ZNF385D: variants seen among roughly 807,000 people sequenced by gnomAD.
ZNF385D encodes zinc finger protein 659.
Under a neutral mutation model 35.8 loss-of-function variants are expected in ZNF385D, and 15 were observed. That is an observed-to-expected ratio of 0.42 (90% CI 0.28 to 0.64). The LOEUF (loss-of-function observed/expected upper bound fraction) is 0.64, where lower values mean the gene tolerates loss of function less well. Ranked by LOEUF, ZNF385D falls within the 30% of genes least tolerant of loss-of-function variation. ZNF385D has a pLI of 0.23. For synonymous variants in ZNF385D, 212 were observed against 186.8 expected, an observed-to-expected ratio of 1.13 and a Z score of -1.10; for missense variants, 474 against 494.6, an observed-to-expected ratio of 0.96 and a Z score of 0.39.
chr3:21,814,059 A>G (rs2073047224), intron 3 of ZNF385D, among the ~76,000 whole-genome samples: 1 of 152,048 alleles, frequency 6.6e-6, no homozygotes, highest in Non-Finnish European at 1.5e-5. Context: ...AACATTCTTA[A>G]AAAGAATTTT....
chr3:21,961,832 G>C (rs1401675949), intron 3 of ZNF385D, among the ~76,000 whole-genome samples: 4 of 152,076 alleles, frequency 2.6e-5, no homozygotes, highest in Non-Finnish European at 1.5e-5. Flanking sequence ...GAGCAACTCT[G>C]AAAGAAGGAA....
At chr3:21,766,482 G>C (rs1489070305) in intron 3 of ZNF385D, among the ~76,000 whole-genome samples, 1 of 152,064 alleles carries the variant, frequency 6.6e-6, no homozygotes, top group African/African-American at 2.4e-5. Flanking sequence ...TGTGTTTGAG[G>C]AAAGAGTACG....
intron 4 of ZNF385D, among the ~76,000 whole-genome samples, chr3:21,483,912 A>C (rs1385785054): frequency 6.6e-6 from 1 of 152,068 alleles, no homozygotes; most frequent in East Asian, 1.9e-4. Context: ...ATGAAATCCA[A>C]TTTATCTTTT....
chr3:21,597,296 T>C (rs1225309743), intron 2 of ZNF385D, among the ~76,000 whole-genome samples: 5 of 152,120 alleles, frequency 3.3e-5, no homozygotes, highest in African/African-American at 1.2e-4. Flanking sequence ...CACATTGGTA[T>C]TTATTAAATA....
At chr3:21,803,962 C>A (rs1345560035) in intron 3 of ZNF385D, among the ~76,000 whole-genome samples, 1 of 152,132 alleles carries the variant, frequency 6.6e-6, no homozygotes, top group East Asian at 1.9e-4. Context: ...TTAATAGGAA[C>A]ATTGTAAAAT....
chr3:21,949,891 CT>C (rs1265945694), intron 3 of ZNF385D, among the ~76,000 whole-genome samples: 1 of 152,154 alleles, frequency 6.6e-6, no homozygotes, highest in African/African-American at 2.4e-5. Context: ...TGAACTCATC[CT>C]TTTTTATGGC....
intron 2 of ZNF385D, among the ~76,000 whole-genome samples, chr3:22,200,473 C>A (rs748663176): frequency 6.6e-6 from 1 of 151,966 alleles, no homozygotes; most frequent in Admixed American, 6.6e-5. Context: ...AAGTACTTCA[C>A]AAGGTAATAG....
rs60312460 is a variant in ZNF385D, at chr3:22,257,763, T to C, written c.107-88728A>G. ...CAAATTCAAATGCAAATAAGTAGGG[T>C]AAAACTGTTGTTACAGTGGCTTTGA... On this transcript the variant is annotated intron_variant, in intron 2 of 5. Coordinates refer to the ZNF385D transcript ENST00000494108. Among the ~76,000 whole-genome samples the C allele has an allele frequency of 2.6e-3, 391 of 151,956 alleles. 6 individuals carry two copies. Among genetic ancestry groups the C allele is most frequent in the African/African-American group, 8.6e-3 (359 of 41,532 alleles).
intron 2 of ZNF385D, among the ~76,000 whole-genome samples, chr3:22,347,983 GA>G (rs1465472336): frequency 6.6e-6 from 1 of 152,052 alleles, no homozygotes; most frequent in Non-Finnish European, 1.5e-5. Flanking sequence ...AATTCCTGAA[GA>G]AATTATAGTA....
At position 21,539,639 on chromosome 3, in the gene ZNF385D, AAG is replaced by A. The variant is rs2125557383; in HGVS notation, c.276+24933_276+24934del. Among the ~76,000 whole-genome samples the A allele has an allele frequency of 1.3e-5, 2 of 152,244 alleles. No homozygotes were observed. Among genetic ancestry groups the A allele is most frequent in the South Asian group, 2.1e-4 (1 of 4,826 alleles). On this transcript the variant is annotated intron_variant, in intron 3 of 7. Transcript: ENST00000281523. The surrounding 1 kb of genome is among the most constrained non-coding windows in gnomAD (Gnocchi z 4.0). ...GATAAAAATACAACAAAATACAAGA[AAG>A]AGAAAAATAGTTTCTTTATGGAATA...
At chr3:21,796,917 G>T (rs1401225213) in intron 3 of ZNF385D, among the ~76,000 whole-genome samples, 1 of 152,140 alleles carries the variant, frequency 6.6e-6, no homozygotes, top group Non-Finnish European at 1.5e-5. Flanking sequence ...CCCACCTCCT[G>T]CTTCGGGATC....
chr3:22,335,557 C>T (rs1292046341), intron 2 of ZNF385D, among the ~76,000 whole-genome samples: 2 of 152,084 alleles, frequency 1.3e-5, no homozygotes, highest in East Asian at 3.9e-4. Flanking sequence ...ATTGAATACC[C>T]TCTTACAGAA....
intron 2 of ZNF385D, among the ~76,000 whole-genome samples, chr3:22,334,847 A>C (rs1290924584): frequency 6.6e-6 from 1 of 152,052 alleles, no homozygotes; most frequent in East Asian, 1.9e-4. Context: ...TCAATGTATC[A>C]GAAATAAATG....
chr3:22,015,837 A>G (rs1017797796), intron 3 of ZNF385D, among the ~76,000 whole-genome samples: 4 of 152,018 alleles, frequency 2.6e-5, no homozygotes, highest in African/African-American at 9.7e-5. Flanking sequence ...CACTATGCCA[A>G]AGTTCTAGAG....
intron 2 of ZNF385D, among the ~76,000 whole-genome samples, chr3:22,301,476 C>G (rs1029507911): frequency 6.6e-6 from 1 of 151,990 alleles, no homozygotes; most frequent in Non-Finnish European, 1.5e-5. Context: ...CATATTTGAT[C>G]AGATTTAGTC....
intron 3 of ZNF385D, among the ~76,000 whole-genome samples, chr3:21,851,801 T>C (rs1261109639): frequency 6.6e-6 from 1 of 151,964 alleles, no homozygotes; most frequent in African/African-American, 2.4e-5. Flanking sequence ...ATTTTATCCT[T>C]CTACTTCTTC....
At chr3:22,239,920 T>C (rs1259013586) in intron 2 of ZNF385D, among the ~76,000 whole-genome samples, 3 of 150,374 alleles carry the variant, frequency 2.0e-5, no homozygotes, top group Non-Finnish European at 4.4e-5. Flanking sequence ...CCCACGCCTA[T>C]AATCACAGCA....
At chr3:21,618,325 A>C (rs368356747) in intron 2 of ZNF385D, among the ~76,000 whole-genome samples, 1 of 152,166 alleles carries the variant, frequency 6.6e-6, no homozygotes, top group Non-Finnish European at 1.5e-5. Context: ...TGTGGCTGTA[A>C]GCCCAAGAAT....
chr3:21,996,936 T>A (rs1362184521), intron 3 of ZNF385D, among the ~76,000 whole-genome samples: 4 of 152,238 alleles, frequency 2.6e-5, no homozygotes, highest in African/African-American at 9.6e-5. Flanking sequence ...GCAATTGAGT[T>A]TGTTTCCAAA....
Sources: allele counts gnomAD v4.1 joint callset (sites outside exome capture counted in the v4.1 genomes callset), GRCh38; gene constraint gnomAD v4.1.1; non-coding constraint Gnocchi (gnomAD v3.1); transcripts MANE v1.5; gene names NCBI Gene and HGNC (gene_info 2026-07-23, HGNC 2026-07-21).